Variants in RBM12B observed in about 807,000 individuals in gnomAD.
RBM12B encodes RNA-binding protein 12B.
A neutral mutation model predicts 34.3 loss-of-function variants in RBM12B; 10 were observed. The ratio of observed to expected loss-of-function variants is 0.29; its 90% CI spans 0.18 to 0.49. RBM12B has a LOEUF of 0.49. RBM12B is among the 20% of genes least tolerant of loss of function. RBM12B has a pLI of 0.99. For missense variants in RBM12B, 1,139 were observed against 1,262.7 expected (o/e 0.90, Z 1.48); for synonymous variants, 477 against 437.1 (o/e 1.09, Z -1.14).
At chr8:93,737,144 A>G (rs138289602) in intron 3 of RBM12B, among the ~76,000 whole-genome samples, 163 bp downstream of exon 3, 3 of 152,246 alleles carry the variant, frequency 2.0e-5, no homozygotes, top group African/African-American at 7.2e-5. Flanking sequence ...AATTTTCAGG[A>G]TACAATGGGC....
rs962194794 is a variant in RBM12B, at chr8:93,728,861, T to C, written c.*4544A>G. On this transcript the variant is annotated 3_prime_UTR_variant, in exon 4 of 4. Transcript: ENST00000520560. ...ATGTTTTATGAATACACATAAGGCA[T>C]AAATTTCAGCTGTAAAAAAGCTACA... 5 of 152,110 alleles carry C rather than the reference T, an allele frequency of 3.3e-5. No individual in the cohort carries two copies. Among genetic ancestry groups the C allele is most frequent in the African/African-American group, 1.2e-4 (5 of 41,446 alleles). 9.4% of individuals were successfully genotyped at this position (152,110 alleles called of 1,614,324 possible). A position where few individuals can be genotyped will look rare whatever the true frequency, so the allele number is the denominator to read the frequency against.
rs1159634277 is a variant in RBM12B, at chr8:93,733,902, A to T, written c.2509T>A (p.Cys837Ser). 4 of 1,611,646 alleles carry T rather than the reference A, an allele frequency of 2.5e-6. No homozygotes were observed. Among genetic ancestry groups the T allele is most frequent in the Non-Finnish European group, 3.4e-6 (4 of 1,179,212 alleles). ...TGCCTGAAGTCCTCATCAGAAGGGC[A>T]TCTAAAATCTTCCTCCTGGGGGCTC... Reference protein sequence around the residue: ...FRSPQEEDFRCPSDEDFRQLP... With the variant: ...FRSPQEEDFRSPSDEDFRQLP... Residue 837 changes from cysteine to serine, a missense_variant, in exon 4 of 4, where the codon TGC (cysteine) becomes AGC (serine). By Grantham distance (112) the Cys-to-Ser change is moderately radical. This residue lies in a region of RBM12B where 863 missense variants were observed against 869.5 expected (regional missense o/e 0.99). Transcript: ENST00000520560.
chr8:93,736,763 A>G (rs982038285), intron 3 of RBM12B, among the ~76,000 whole-genome samples: 1 of 152,236 alleles, frequency 6.6e-6, no homozygotes, highest in African/African-American at 2.4e-5. Flanking sequence ...TTTCAGACTC[A>G]TTTAGAATCT....
rs1039786519 is a variant in RBM12B, at chr8:93,732,505, T to A, written c.*900A>T. 3.3e-5 allele frequency: 5 copies of A among 152,326 alleles called. No homozygotes were observed. In the East Asian group the frequency reaches 9.6e-4, roughly 29 times the overall value. 9.4% of individuals were successfully genotyped at this position (152,326 alleles called of 1,614,324 possible). A position where few individuals can be genotyped will look rare whatever the true frequency, so the allele number is the denominator to read the frequency against. On this transcript the variant is annotated 3_prime_UTR_variant, in exon 4 of 4. Transcript: ENST00000520560. The stretch of plus-strand genomic sequence containing the variant: ...GTAAATTCTTCCTAGAAAAACAAAC[T>A]ATACCACTTGTCAGATTCTTCCAGC...
In RBM12B at chr8:93,730,089, G is replaced by A. The variant is rs1586305430; in HGVS notation, c.*3316C>T. 4.6e-5 allele frequency: 7 copies of A among 152,160 alleles called. No individual in the cohort carries two copies. Among genetic ancestry groups the A allele is most frequent in the Admixed American group, 3.9e-4 (6 of 15,278 alleles). The allele number at this position is 152,160 out of a possible 1,614,324, so 9.4% of individuals were successfully genotyped here. A position where few individuals can be genotyped will look rare whatever the true frequency, so the allele number is the denominator to read the frequency against. On this transcript the variant is annotated 3_prime_UTR_variant, in exon 4 of 4. Transcript: ENST00000520560. ...AAAAAGTTTGTGATTTTCGGAGCAT[G>A]TGAAATTTCAGATTACCAGATTAGG...
chr8:93,735,491 G>A lies in RBM12B; in HGVS notation c.920C>T (p.Thr307Ile). Residue 307 changes from threonine to isoleucine, a missense_variant, in exon 4 of 4, where the codon ACT (threonine) becomes ATT (isoleucine). Physicochemically the swap from Thr to Ile is moderately conservative, Grantham distance 89. Transcript: ENST00000520560. ...CCTAATCTGTTCATCAGTCAGATCA[G>A]TACCTCTAAAGAAATTTCTTAAATC... is the stretch of plus-strand genomic sequence containing the variant. ...ERDLRNFFRGTDLTDEQIRFL... is the reference protein window; with the variant it reads ...ERDLRNFFRGIDLTDEQIRFL... 1 of 1,613,368 alleles carries A rather than the reference G, an allele frequency of 6.2e-7. No homozygotes were observed. The highest frequency in any genetic ancestry group is 1.3e-5 in the African/African-American group (1 of 75,010).
chr8:93,734,329 T>C lies in RBM12B; in HGVS notation c.2082A>G (p.Pro694=). 1 of 1,591,078 alleles carries C rather than the reference T, an allele frequency of 6.3e-7. No individual in the cohort carries two copies. Among genetic ancestry groups the C allele is most frequent in the Non-Finnish European group, 8.5e-7 (1 of 1,171,748 alleles). ...RRPLQGEWRR[P]PEDDFRRPPE... is the part of the protein sequence containing the mutation. ...GGGGCCGCCTGAAGTCATCCTCGGG[T>C]GGTCGCCTCCATTCTCCCTGAAGAG... The change falls in exon 4 of 4, where the codon CCA becomes CCG. Residue 694 remains proline, a synonymous_variant. Transcript: ENST00000520560.
At position 93,730,567 on chromosome 8, in the gene RBM12B, T is replaced by C. The variant is rs1335569720; in HGVS notation, c.*2838A>G. On this transcript the variant is annotated 3_prime_UTR_variant, in exon 4 of 4. Coordinates refer to ENST00000520560, the MANE Select transcript of RBM12B (RefSeq NM_001377960.1). ...GTGATGTGTACATGAAAATTTACTA[T>C]TCTTTTTTTATATTTGAAATTGATG... 1 of 152,194 alleles carries C rather than the reference T, an allele frequency of 6.6e-6. No homozygotes were observed. The highest frequency in any genetic ancestry group is 1.5e-5 in the Non-Finnish European group (1 of 68,042). 9.4% of individuals were successfully genotyped at this position (152,194 alleles called of 1,614,324 possible). A position where few individuals can be genotyped will look rare whatever the true frequency, so the allele number is the denominator to read the frequency against.
Position 93,729,914 on chromosome 8 carries a change from C to T in RBM12B, c.*3491G>A, listed in dbSNP as rs916130937. ...GGAATACAAATTGAGTATCCTTTAT[C>T]TGAAGTGCTTGGGACCAGAAGTATT... On this transcript the variant is annotated 3_prime_UTR_variant, in exon 4 of 4. Coordinates refer to ENST00000520560, the MANE Select transcript of RBM12B (RefSeq NM_001377960.1). 2.0e-5 allele frequency: 3 copies of T among 152,174 alleles called. No homozygotes were observed. The highest frequency in any genetic ancestry group is 4.4e-5 in the Non-Finnish European group (3 of 68,014). The allele number at this position is 152,174 out of a possible 1,614,324, so 9.4% of individuals were successfully genotyped here. A position where few individuals can be genotyped will look rare whatever the true frequency, so the allele number is the denominator to read the frequency against.
At position 93,733,337 on chromosome 8, in the gene RBM12B, T is replaced by A. The variant is rs530755933; in HGVS notation, c.*68A>T. 6.9e-6 allele frequency: 9 copies of A among 1,302,518 alleles called. No homozygotes were observed. In the South Asian group the frequency reaches 2.3e-4, roughly 33 times the overall value. 80.7% of individuals were successfully genotyped at this position (1,302,518 alleles called of 1,614,324 possible). On this transcript the variant is annotated 3_prime_UTR_variant, in exon 4 of 4. Transcript: ENST00000520560. ...GATAATTTAAAAAAAAAACACTTTT[T>A]TAAAACAAATGTATTTTACTCCATC...
rs1811852123 is a variant in RBM12B, at chr8:93,733,219, AAG to A, written c.*184_*185del. The A allele has an allele frequency of 2.4e-6, 1 of 416,180 alleles. No homozygotes were observed. Among genetic ancestry groups the A allele is most frequent in the Non-Finnish European group, 4.1e-6 (1 of 246,386 alleles). 25.8% of individuals were successfully genotyped at this position (416,180 alleles called of 1,614,324 possible). On this transcript the variant is annotated 3_prime_UTR_variant, in exon 4 of 4. Transcript: ENST00000520560. ...TGTAATTTTAAATTTGAAAAAAAAA[AAG>A]AATGGCAATTTGCAAGCAAAAGAAA...
rs749097788 is a variant in RBM12B, at chr8:93,734,203, T to C, written c.2208A>G (p.Pro736=). The C allele has an allele frequency of 3.8e-6, 6 of 1,588,410 alleles. No individual in the cohort carries two copies. The East Asian group carries it at 6.8e-5, about 18-fold the overall frequency. ...PPQEHFRRPP[P]EHFRRPPPEH... is the part of the protein sequence containing the mutation. ...CTGGAGGTGGTCTCCGGAAATGCTCTGGGGGTGGCCGACGGAAATGCTCCT... is the reference window on the plus strand; with the variant it reads ...CTGGAGGTGGTCTCCGGAAATGCTCCGGGGGTGGCCGACGGAAATGCTCCT... Residue 736 remains proline (P), a synonymous_variant, in exon 4 of 4, where the codon CCA becomes CCG. Coordinates refer to ENST00000520560, the MANE Select transcript of RBM12B (RefSeq NM_001377960.1).
Position 93,735,833 on chromosome 8 carries a change from T to C in RBM12B, c.578A>G (p.Asn193Ser). 1.2e-6 allele frequency: 2 copies of C among 1,614,124 alleles called. No homozygotes were observed. Among genetic ancestry groups the C allele is most frequent in the Non-Finnish European group, 1.7e-6 (2 of 1,180,044 alleles). ...AAATTTTACTATGGCATCACCATTA[T>C]TTCGGCCATCATGATGTTTTAAGAA... The part of the protein sequence containing the change: ...VIFLKHHDGR[N>S]NGDAIVKFAS... The change falls in exon 4 of 4, where the codon AAT (asparagine) becomes AGT (serine). Residue 193 changes from asparagine to serine, a missense_variant. Coordinates refer to ENST00000520560, the MANE Select transcript of RBM12B (RefSeq NM_001377960.1).
In RBM12B at chr8:93,736,010, G is replaced by A; in HGVS notation, c.401C>T (p.Thr134Ile). The A allele has an allele frequency of 6.2e-7, 1 of 1,614,140 alleles. No individual in the cohort carries two copies. Among genetic ancestry groups the A allele is most frequent in the Non-Finnish European group, 8.5e-7 (1 of 1,180,018 alleles). The change falls in exon 4 of 4, where the codon ACT becomes ATT. Residue 134 changes from threonine to isoleucine, a missense_variant. Thr to Ile is a moderately conservative substitution (Grantham distance 89). Transcript: ENST00000520560. ...SSINQDAGFH[T>I]NGTGHGNLRP... ...TAAATTACCATGTCCTGTACCATTA[G>A]TATGAAACCCAGCATCTTGATTAAT... is the stretch of plus-strand genomic sequence containing the variant.
Position 93,736,148 on chromosome 8 carries a change from G to C in RBM12B, c.263C>G (p.Thr88Ser). 3 of 1,614,228 alleles carry C rather than the reference G, an allele frequency of 1.9e-6. No individual in the cohort carries two copies. The highest frequency in any genetic ancestry group is 2.5e-6 in the Non-Finnish European group (3 of 1,180,042). ...TGGACGCCCTCTTCCTACACGATCA[G>C]TTCTTTTCATTTCTATAGTCTTCTG... ...EMQKTIEMKR[T>S]DRVGRGRPGS... The change falls in exon 4 of 4, where the codon ACT becomes AGT. Residue 88 changes from threonine (T) to serine (S), a missense_variant. Thr to Ser is a moderately conservative substitution (Grantham distance 58). Around this residue, in one of 3 missense-constraint regions of RBM12B, gnomAD observed 216 missense variants for 292.2 expected, o/e 0.74. Transcript: ENST00000520560.
Position 93,735,298 on chromosome 8 carries a change from T to C in RBM12B, c.1113A>G (p.Glu371=). 6.2e-7 allele frequency: 1 copy of C among 1,614,072 alleles called. No homozygotes were observed. The highest frequency in any genetic ancestry group is 8.5e-7 in the Non-Finnish European group (1 of 1,180,018). The change falls in exon 4 of 4, where the codon GAA becomes GAG. Residue 371 remains glutamate (E), a synonymous_variant. Coordinates refer to ENST00000520560, the MANE Select transcript of RBM12B (RefSeq NM_001377960.1). The part of the protein sequence containing the change: ...KQMLKFIARY[E]KKRSGSLERD... ...TCTCTAGTGACCCTGATCTCTTCTTTTCATAACGTGCAATGAACTTCAGCA... is the reference window on the plus strand; with the variant it reads ...TCTCTAGTGACCCTGATCTCTTCTTCTCATAACGTGCAATGAACTTCAGCA...
rs1004225695 is a variant in RBM12B, at chr8:93,740,691, T to C, written c.-140A>G. The C allele has an allele frequency of 5.5e-6, 2 of 362,132 alleles. No individual in the cohort carries two copies. Among genetic ancestry groups the C allele is most frequent in the Non-Finnish European group, 5.4e-6 (1 of 185,144 alleles). The allele number at this position is 362,132 out of a possible 1,614,324, so 22.4% of individuals were successfully genotyped here. ...TGGGAAGCGCACATACACCACCACATGGAAGCTGACGGGAAAGGAAGAGTC... is the reference window on the plus strand; with the variant it reads ...TGGGAAGCGCACATACACCACCACACGGAAGCTGACGGGAAAGGAAGAGTC... On this transcript the variant is annotated 5_prime_UTR_variant, in exon 2 of 4. It removes an upstream start codon present in the reference 5' UTR. Coordinates refer to ENST00000520560, the MANE Select transcript of RBM12B (RefSeq NM_001377960.1).
rs1465374511 is a variant in RBM12B at position 93,731,608 on chromosome 8, G to A, written c.*1797C>T. On this transcript the variant is annotated 3_prime_UTR_variant, in exon 4 of 4. Coordinates refer to ENST00000520560, the MANE Select transcript of RBM12B (RefSeq NM_001377960.1). Reference sequence around the variant, plus strand: ...TTAGATTTCTTTAAATCACTGAAAAGTAACACAAAAATACATATAGGTAGT... The same window carrying A: ...TTAGATTTCTTTAAATCACTGAAAAATAACACAAAAATACATATAGGTAGT... 3 of 152,068 alleles carry A rather than the reference G, an allele frequency of 2.0e-5. No individual in the cohort carries two copies. Among genetic ancestry groups the A allele is most frequent in the Non-Finnish European group, 2.9e-5 (2 of 67,990 alleles). 9.4% of individuals were successfully genotyped at this position (152,068 alleles called of 1,614,324 possible). A position where few individuals can be genotyped will look rare whatever the true frequency, so the allele number is the denominator to read the frequency against.
In RBM12B at chr8:93,734,293, ATCC is replaced by A. The variant is rs775398213; in HGVS notation, c.2115_2117del (p.Glu705del). On this transcript the variant is annotated inframe_deletion, in exon 4 of 4. Coordinates refer to ENST00000520560, the MANE Select transcript of RBM12B (RefSeq NM_001377960.1). Reference sequence around the variant, plus strand: ...AGTCCTCCTCAGGGGAATGCCTGAAATCCTCCTCTGGGGGCCGCCTGAAGTCAT... The same window carrying A: ...AGTCCTCCTCAGGGGAATGCCTGAAATCCTCTGGGGGCCGCCTGAAGTCAT... The A allele has an allele frequency of 1.9e-6, 3 of 1,609,060 alleles. No homozygotes were observed. The highest frequency in any genetic ancestry group is 2.7e-5 in the African/African-American group (2 of 73,152).
Sources: gnomAD v4.1 joint callset for allele counts (sites outside exome capture counted in the v4.1 genomes callset) on GRCh38, gnomAD v4.1.1 for gene constraint, gnomAD v4.1.1 regional missense constraint, MANE v1.5 for transcripts, NCBI Gene and HGNC (gene_info 2026-07-23, HGNC 2026-07-21) for gene names.